TTC28: variants seen among roughly 807,000 people sequenced by gnomAD.
TTC28 encodes tetratricopeptide repeat protein 28.
Under a neutral mutation model 198.0 loss-of-function variants are expected in TTC28, and 61 were observed. The observed-to-expected ratio is 0.31, with a 90% confidence interval of 0.25 to 0.38. The LOEUF (loss-of-function observed/expected upper bound fraction) is 0.38, where lower values mean the gene tolerates loss of function less well. Ranked by LOEUF, TTC28 falls within the 10% of genes least tolerant of loss-of-function variation. TTC28 has a pLI of 1.00. For synonymous variants in TTC28, 1,171 were observed against 1,297.8 expected, an observed-to-expected ratio of 0.90 and a Z score of 2.10; for missense variants, 2,678 against 3,164.0, an observed-to-expected ratio of 0.85 and a Z score of 3.69.
At chr22:27,993,170 C>T in intron 18 of TTC28, 117 bp downstream of exon 18, 1 of 949,752 alleles carries the variant, frequency 1.1e-6, no homozygotes, top group East Asian at 2.7e-5. Context: ...TCTCAGGACA[C>T]CCTCCTGCTC....
chr22:28,360,725 CACTTT>C (rs1162793048), intron 2 of TTC28, among the ~76,000 whole-genome samples: 8 of 152,108 alleles, frequency 5.3e-5, no homozygotes, highest in African/African-American at 1.7e-4. Flanking sequence ...TGTTTTACTG[CACTTT>C]ACTTTATTGT....
chr22:28,067,708 G>A (rs9625393), intron 12 of TTC28, among the ~76,000 whole-genome samples: 10,133 of 152,248 alleles, frequency 0.067, 398 homozygotes, highest in South Asian at 0.089. Flanking sequence ...GGTTAAAAAT[G>A]AATGAATACT....
rs200570836 is a variant in TTC28 at position 28,107,508 on chromosome 22, C to G, written c.2337G>C (p.Gln779His). 424 of 1,551,672 alleles carry G rather than the reference C, an allele frequency of 2.7e-4. No individual in the cohort carries two copies. The highest frequency in any genetic ancestry group is 3.6e-4 in the Non-Finnish European group (417 of 1,147,032). The change falls in exon 7 of 23, where the codon CAG (glutamine) becomes CAC (histidine). Residue 779 changes from glutamine (Q) to histidine (H), a missense_variant. Coordinates refer to ENST00000397906, the MANE Select transcript of TTC28 (RefSeq NM_001145418.2). ...TCAGCTCCTGATATACCTCCAGTTC[C>G]TGTGTGTGATAACCCAGGGCCTTGT... ...KYDKALGYHT[Q>H]ELEVYQELSD...
rs761624235 is a variant in TTC28, at chr22:28,586,152, G to A, written c.381+43400C>T. On this transcript the variant is annotated intron_variant, in intron 2 of 22. Transcript: ENST00000397906. The stretch of plus-strand genomic sequence containing the variant: ...AAATTAGCTGGGCGTGGTGGTGGGC[G>A]CCTGTAGTCCCAGCTACTCGGGAGG... 5.3e-5 allele frequency among the ~76,000 whole-genome samples: 8 copies of A among 151,684 alleles called. No homozygotes were observed. The South Asian group carries it at 8.3e-4, about 16-fold the overall frequency.
chr22:28,253,843 G>A (rs1346739252), intron 5 of TTC28, among the ~76,000 whole-genome samples: 3 of 152,018 alleles, frequency 2.0e-5, no homozygotes, highest in Non-Finnish European at 2.9e-5. Context: ...AGTGGCTCAC[G>A]CCTGTAATCC....
intron 2 of TTC28, among the ~76,000 whole-genome samples, chr22:28,532,771 G>A (rs1364863826): frequency 6.6e-6 from 1 of 152,124 alleles, no homozygotes; most frequent in Non-Finnish European, 1.5e-5. Context: ...ATCAATAAAT[G>A]TAATCCAGCA....
intron 2 of TTC28, among the ~76,000 whole-genome samples, chr22:28,322,621 T>C (rs2045466012): frequency 6.6e-6 from 1 of 152,206 alleles, no homozygotes; most frequent in Non-Finnish European, 1.5e-5. Flanking sequence ...ATATTAAAAG[T>C]GCCTCGTCCA....
At chr22:28,515,234 A>G (rs1399414499) in intron 2 of TTC28, among the ~76,000 whole-genome samples, 1 of 152,206 alleles carries the variant, frequency 6.6e-6, no homozygotes, top group Non-Finnish European at 1.5e-5. Context: ...TTAAAGTTAA[A>G]CATCCAATTT....
chr22:28,250,353 A>G (rs1183731023), intron 5 of TTC28, among the ~76,000 whole-genome samples: 2 of 152,202 alleles, frequency 1.3e-5, no homozygotes, highest in South Asian at 2.1e-4. Context: ...TACATCTCTC[A>G]TAAGATTTTT....
chr22:28,393,703 A>T (rs1336733034), intron 2 of TTC28, among the ~76,000 whole-genome samples: 1 of 152,150 alleles, frequency 6.6e-6, no homozygotes, highest in Non-Finnish European at 1.5e-5. Flanking sequence ...TAAAAAAATA[A>T]AAAATGGAAA....
At chr22:28,310,233 A>G (rs936598355) in intron 2 of TTC28, among the ~76,000 whole-genome samples, 5 of 152,096 alleles carry the variant, frequency 3.3e-5, no homozygotes, top group Non-Finnish European at 7.4e-5. Flanking sequence ...AAATATAAAA[A>G]GCTCTAAGTG....
chr22:28,021,502 T>C (rs1192938352), intron 13 of TTC28, among the ~76,000 whole-genome samples: 1 of 152,076 alleles, frequency 6.6e-6, no homozygotes, highest in Non-Finnish European at 1.5e-5. Flanking sequence ...CCATTCAACA[T>C]GGGCTAAGTG....
intron 14 of TTC28, among the ~76,000 whole-genome samples, chr22:28,012,521 G>A (rs964753313): frequency 2.6e-5 from 4 of 151,918 alleles, no homozygotes; most frequent in Non-Finnish European, 5.9e-5. Flanking sequence ...GCACCTGTAT[G>A]TTTTTTTTGA....
At chr22:28,405,111 T>C (rs2046980425) in intron 2 of TTC28, among the ~76,000 whole-genome samples, 1 of 152,236 alleles carries the variant, frequency 6.6e-6, no homozygotes, top group South Asian at 2.1e-4. Context: ...ATCATGTTCA[T>C]TCTGCTAAAA....
intron 5 of TTC28, among the ~76,000 whole-genome samples, chr22:28,247,364 G>A (rs1253848826): frequency 1.3e-5 from 2 of 152,218 alleles, no homozygotes; most frequent in African/African-American, 4.8e-5. Flanking sequence ...AGAATCATAT[G>A]CGACTGCCTG....
intron 5 of TTC28, among the ~76,000 whole-genome samples, chr22:28,237,093 A>G (rs903999138): frequency 1.3e-5 from 2 of 152,016 alleles, no homozygotes; most frequent in African/African-American, 4.8e-5. Context: ...TTTAGGATCT[A>G]ATTTTATCTC....
In TTC28 at chr22:28,356,855, A is replaced by C. The variant is rs116735920; in HGVS notation, c.382-50212T>G. Among the ~76,000 whole-genome samples the C allele has an allele frequency of 2.3e-3, 343 of 152,296 alleles. 1 individual carries two copies. The highest frequency in any genetic ancestry group is 7.7e-3 in the African/African-American group (320 of 41,564). ...AATTCAGTTAAAAAATATAAATTCA[A>C]AAAAATTATCATTCAGAATGTCAAG... On this transcript the variant is annotated intron_variant, in intron 2 of 22. Transcript: ENST00000397906.
chr22:27,983,417 G>T lies in TTC28; in HGVS notation c.6250C>A (p.Gln2084Lys), dbSNP rs1937091567. The T allele has an allele frequency of 6.4e-7, 1 of 1,551,032 alleles. No individual in the cohort carries two copies. Among genetic ancestry groups the T allele is most frequent in the African/African-American group, 1.4e-5 (1 of 72,966 alleles). ...CCTCCGGCTGTCCCAGGTTGGGGTT[G>T]TTTGTGGTCTGGTGAGAAGCATGTG... ...RNTCFSPDHK[Q>K]PQPGTAGGMR... Residue 2084 changes from glutamine to lysine, a missense_variant, in exon 23 of 23, where the codon CAA (glutamine) becomes AAA (lysine). Gln to Lys is a moderately conservative substitution (Grantham distance 53, BLOSUM62 1). This residue lies in a region of TTC28 where 622 missense variants were observed against 656.0 expected (regional missense o/e 0.95). Transcript: ENST00000397906.
intron 6 of TTC28, among the ~76,000 whole-genome samples, chr22:28,122,313 G>T (rs1225186923): frequency 6.6e-6 from 1 of 152,072 alleles, no homozygotes; most frequent in Non-Finnish European, 1.5e-5. Flanking sequence ...CAGAGAAATT[G>T]GTTTTATTAT....
Sources: gnomAD v4.1 joint callset for allele counts (sites outside exome capture counted in the v4.1 genomes callset) on GRCh38, gnomAD v4.1.1 for gene constraint, gnomAD v4.1.1 regional missense constraint, MANE v1.5 for transcripts, NCBI Gene and HGNC (gene_info 2026-07-23, HGNC 2026-07-21) for gene names.